The following PHLDB1 variants were observed in gnomAD, a reference collection of about 807,000 sequenced individuals.
PHLDB1 encodes the protein pleckstrin homology-like domain family B member 1.
PHLDB1 carries 65 observed loss-of-function variants against 139.3 expected under a neutral mutation model. That is an observed-to-expected ratio of 0.47 (90% CI 0.38 to 0.57). The LOEUF (loss-of-function observed/expected upper bound fraction) is 0.57, where lower values mean the gene tolerates loss of function less well. PHLDB1 is among the 20% of genes least tolerant of loss of function. PHLDB1 has a pLI of 0.00. For synonymous variants in PHLDB1, 679 were observed against 734.5 expected (o/e 0.92, Z 1.22); for missense variants, 1,624 against 1,839.7 (o/e 0.88, Z 2.14).
chr11:118,644,263 A>G (rs1947079187), intron 15 of PHLDB1, 89 bp downstream of exon 15: 1 of 897,442 alleles, frequency 1.1e-6, no homozygotes, highest in Admixed American at 2.1e-5. Context: ...CTTTCACAGG[A>G]TGTTTTTCCT....
chr11:118,620,451 C>A lies in PHLDB1; in HGVS notation c.355+4240C>A, dbSNP rs1276767095. On this transcript the variant is annotated intron_variant, in intron 4 of 22. Transcript: ENST00000600882. This position sits in a 1 kb window ranked among gnomAD's most constrained non-coding sequence, Gnocchi z 4.1. ...AGGTTGCAGTGAGCCGAGATCGCAC[C>A]ATTGCACTCCAGCCTGGGCAACAAG... Among the ~76,000 whole-genome samples, 1 of 152,248 alleles carries A rather than the reference C, an allele frequency of 6.6e-6. No homozygotes were observed. The highest frequency in any genetic ancestry group is 1.5e-5 in the Non-Finnish European group (1 of 68,036).
At chr11:118,652,315 C>T (rs1405438715) in intron 20 of PHLDB1, 2 of 152,180 alleles carry the variant, frequency 1.3e-5, no homozygotes, top group African/African-American at 2.4e-5. Flanking sequence ...GGTAGAGGGA[C>T]TAGGGACTTT....
At chr11:118,640,767 C>G (rs1470477454) in intron 12 of PHLDB1, 1 of 152,396 alleles carries the variant, frequency 6.6e-6, no homozygotes, top group African/African-American at 2.4e-5. Context: ...GGTTCTGATC[C>G]TCAGTGAACT....
intron 15 of PHLDB1, 143 bp downstream of exon 15, chr11:118,644,317 A>G (rs1274836752): frequency 3.1e-6 from 2 of 642,990 alleles, no homozygotes; most frequent in Non-Finnish European, 2.7e-6. Flanking sequence ...TAGAGTGGGT[A>G]CCTAAAGAAG....
At chr11:118,633,763 G>A (rs1241001510) in intron 9 of PHLDB1, 8 of 152,324 alleles carry the variant, frequency 5.3e-5, no homozygotes, top group African/African-American at 1.9e-4. Context: ...GAACTGGCCT[G>A]ATTAGGTCCT....
At chr11:118,625,152 C>A in intron 5 of PHLDB1, 93 bp downstream of exon 5, 1 of 1,408,606 alleles carries the variant, frequency 7.1e-7, no homozygotes, top group Non-Finnish European at 9.5e-7. Flanking sequence ...AGTGTTAGGG[C>A]AAGACAATAC....
chr11:118,616,922 G>A (rs1199407635), intron 4 of PHLDB1, among the ~76,000 whole-genome samples: 3 of 152,196 alleles, frequency 2.0e-5, no homozygotes, highest in African/African-American at 7.2e-5. Flanking sequence ...GCACACGCCT[G>A]TAGTCCTAGC....
rs1450496184 is a variant in PHLDB1 at position 118,620,423 on chromosome 11, C to T, written c.355+4212C>T. ...AGGAGAATCGCTTGAACCCCGGAGG[C>T]GGAGGTTGCAGTGAGCCGAGATCGC... On this transcript the variant is annotated intron_variant, in intron 4 of 22. Coordinates refer to ENST00000600882, the MANE Select transcript of PHLDB1 (RefSeq NM_001144758.3). This position sits in a 1 kb window ranked among gnomAD's most constrained non-coding sequence, Gnocchi z 4.1. 1.3e-5 allele frequency among the ~76,000 whole-genome samples: 2 copies of T among 152,118 alleles called. No homozygotes were observed. The highest frequency in any genetic ancestry group is 2.9e-5 in the Non-Finnish European group (2 of 68,018).
At chr11:118,648,134 T>G (rs1313513981) in intron 18 of PHLDB1, 58 bp downstream of exon 18, 2 of 1,529,242 alleles carry the variant, frequency 1.3e-6, no homozygotes. Flanking sequence ...TGTAGAGAAG[T>G]GGGGAGATCC....
At chr11:118,635,064 G>GC (rs781920081) in intron 9 of PHLDB1, 73 of 490,182 alleles carry the variant, frequency 1.5e-4, no homozygotes, top group Non-Finnish European at 2.4e-4. Context: ...CAGTTCCACC[G>GC]CCCCCCCTCC....
chr11:118,655,708 C>G lies in PHLDB1; in HGVS notation c.3960+18C>G. 2 of 1,593,516 alleles carry G rather than the reference C, an allele frequency of 1.3e-6. No individual in the cohort carries two copies. The highest frequency in any genetic ancestry group is 1.7e-6 in the Non-Finnish European group (2 of 1,161,428). ...CAGCCAAGGTCAGGGGTGGAGGGCA[C>G]CAGAGGGGGGCCAGAGGGACAGCCA... On this transcript the variant is annotated intron_variant, in intron 21 of 22. Transcript: ENST00000600882.
rs1238287161 is a variant in PHLDB1, at chr11:118,657,664, G to A, written c.*841G>A. On this transcript the variant is annotated 3_prime_UTR_variant, in exon 23 of 23. Coordinates refer to ENST00000600882, the MANE Select transcript of PHLDB1 (RefSeq NM_001144758.3). ...GGGGGATCTATGGAACAGAGGAGGA[G>A]CGATGCAGTTGGGAGAGGAAGCTAG... The A allele has an allele frequency of 2.6e-5, 4 of 153,966 alleles. No individual in the cohort carries two copies. The highest frequency in any genetic ancestry group is 9.6e-5 in the African/African-American group (4 of 41,472). 9.5% of individuals were successfully genotyped at this position (153,966 alleles called of 1,614,324 possible).
At position 118,644,182 on chromosome 11, in the gene PHLDB1, A is replaced by T. The variant is rs782787067; in HGVS notation, c.3121+8A>T. 1.9e-6 allele frequency: 3 copies of T among 1,598,016 alleles called. No individual in the cohort carries two copies. The highest frequency in any genetic ancestry group is 2.6e-6 in the Non-Finnish European group (3 of 1,170,452). ...TAGCTCTGCAGCAGAAGGGTGAGTGACTGCCCCGCCAGCCCACCTGCTCTC... is the reference window on the plus strand; with the variant it reads ...TAGCTCTGCAGCAGAAGGGTGAGTGTCTGCCCCGCCAGCCCACCTGCTCTC... On this transcript the variant is annotated splice_region_variant and intron_variant, in intron 15 of 22. Transcript: ENST00000600882.
intron 4 of PHLDB1, among the ~76,000 whole-genome samples, chr11:118,623,594 T>C (rs1943241656): frequency 6.6e-6 from 1 of 152,224 alleles, no homozygotes; most frequent in Non-Finnish European, 1.5e-5. Context: ...CAGAGGGTGC[T>C]TAGTCAGAAA....
rs1298399219 is a variant in PHLDB1, at chr11:118,610,797, C to T, written c.-21-3019C>T. 2.0e-5 allele frequency among the ~76,000 whole-genome samples: 3 copies of T among 152,112 alleles called. No homozygotes were observed. The highest frequency in any genetic ancestry group is 7.2e-5 in the African/African-American group (3 of 41,438). Reference sequence around the variant, plus strand: ...GTGTCCCGCGTGGCTGGGGTGTCGGCGCATTCCCGCGGGGGAGGAGGCCGA... The same window carrying T: ...GTGTCCCGCGTGGCTGGGGTGTCGGTGCATTCCCGCGGGGGAGGAGGCCGA... On this transcript the variant is annotated intron_variant, in intron 1 of 22. Transcript: ENST00000600882. This position sits in a 1 kb window ranked among gnomAD's most constrained non-coding sequence, Gnocchi z 8.7.
intron 6 of PHLDB1, 57 bp downstream of exon 6, chr11:118,628,707 C>T (rs1484264411): frequency 7.3e-6 from 11 of 1,516,018 alleles, no homozygotes; most frequent in African/African-American, 4.2e-5. Flanking sequence ...TGCCAGGGCT[C>T]GAGCAGGCCA....
intron 9 of PHLDB1, chr11:118,635,108 G>A: frequency 1.8e-6 from 1 of 557,294 alleles, no homozygotes; most frequent in Non-Finnish European, 3.3e-6. Context: ...AGAAGGAAGA[G>A]AGGAGAGCGG....
At chr11:118,647,698 T>G in intron 17 of PHLDB1, 1 of 442,358 alleles carries the variant, frequency 2.3e-6, no homozygotes, top group Non-Finnish European at 4.0e-6. Flanking sequence ...TTTATCAGGA[T>G]CACAGAGCCC....
Position 118,632,281 on chromosome 11 carries a change from G to A in PHLDB1, c.2364G>A (p.Gln788=), listed in dbSNP as rs1944936706. The A allele has an allele frequency of 6.2e-7, 1 of 1,612,908 alleles. No homozygotes were observed. The highest frequency in any genetic ancestry group is 1.3e-5 in the African/African-American group (1 of 75,014). Residue 788 remains glutamine (Q), a synonymous_variant, in exon 9 of 23, where the codon CAG becomes CAA. Transcript: ENST00000600882. This position sits in a 1 kb window ranked among gnomAD's most constrained non-coding sequence, Gnocchi z 5.9. The stretch of plus-strand genomic sequence containing the variant: ...TGGTGGCCTTGGAGACAGGCATCCA[G>A]AAGGAGAGGGACAAGGTAACCCACA... ...EKLVALETGI[Q]KERDKEAEAL... is the part of the protein sequence containing the mutation.
Sources: gnomAD v4.1 joint callset for allele counts (sites outside exome capture counted in the v4.1 genomes callset) on GRCh38, gnomAD v4.1.1 for gene constraint, Gnocchi (gnomAD v3.1) non-coding constraint, MANE v1.5 for transcripts, NCBI Gene and HGNC (gene_info 2026-07-23, HGNC 2026-07-21) for gene names.